The following PIGL variants were observed in gnomAD, a reference collection of about 807,000 sequenced individuals.
The protein encoded by PIGL is phosphatidylinositol glycan anchor biosynthesis class L.
Under a neutral mutation model 31.1 loss-of-function variants are expected in PIGL, and 22 were observed. The observed-to-expected ratio is 0.71, with a 90% confidence interval of 0.51 to 1.01. PIGL has a LOEUF of 1.01. Ranked by LOEUF, PIGL falls within the 50% of genes least tolerant of loss-of-function variation. The pLI, the probability that PIGL is intolerant of heterozygous loss-of-function variation, is 0.00. For missense variants in PIGL, 302 were observed against 315.9 expected (o/e 0.96, Z 0.33); for synonymous variants, 131 against 117.4 (o/e 1.12, Z -0.75).
chr17:16,322,508 A>G (rs1366162771), intron 6 of PIGL, among the ~76,000 whole-genome samples: 4 of 152,214 alleles, frequency 2.6e-5, no homozygotes, highest in Non-Finnish European at 4.4e-5. Flanking sequence ...CTTTAGCTAC[A>G]CATGATAAGT....
intron 5 of PIGL, chr17:16,317,107 A>G (rs1489087999): frequency 1.9e-6 from 2 of 1,046,640 alleles, no homozygotes; most frequent in Non-Finnish European, 2.3e-6. Context: ...ACCCACATAA[A>G]GTATTTGACC....
intron 2 of PIGL, among the ~76,000 whole-genome samples, chr17:16,277,008 C>T (rs1348856390): frequency 1.3e-5 from 2 of 152,320 alleles, no homozygotes; most frequent in Admixed American, 6.5e-5. Flanking sequence ...AGCCATGGGT[C>T]TGTACCCTCA....
rs371630004 is a variant in PIGL, at chr17:16,311,605, G to A, written c.427-1942G>A. The stretch of plus-strand genomic sequence containing the variant: ...GGTTTTCCTAGGCAGAGGACCCTGC[G>A]GCCTTCCGCAGTGTTTGTGTCCCTG... On this transcript the variant is annotated intron_variant, in intron 3 of 6. Transcript: ENST00000225609. Among the ~76,000 whole-genome samples, 105 of 148,356 alleles carry A rather than the reference G, an allele frequency of 7.1e-4. 4 individuals are homozygous for A. The East Asian group carries it at 0.02, about 28-fold the overall frequency.
At chr17:16,221,394 C>T (rs1051692780) in intron 1 of PIGL, among the ~76,000 whole-genome samples, 2 of 151,876 alleles carry the variant, frequency 1.3e-5, no homozygotes, top group Admixed American at 6.6e-5. Flanking sequence ...CTCAAGTGAT[C>T]CTCCCGCCTC....
intron 1 of PIGL, among the ~76,000 whole-genome samples, chr17:16,231,134 C>T (rs1346626169): frequency 7.7e-6 from 1 of 129,840 alleles, no homozygotes; most frequent in Non-Finnish European, 1.6e-5. Flanking sequence ...GTCTTGAATT[C>T]CTGGCCTTAA....
chr17:16,228,104 T>C (rs2092660818), intron 1 of PIGL, among the ~76,000 whole-genome samples: 1 of 148,402 alleles, frequency 6.7e-6, no homozygotes, highest in South Asian at 2.1e-4. Context: ...CACACTAGAG[T>C]GCAATGGCAT....
intron 2 of PIGL, among the ~76,000 whole-genome samples, chr17:16,276,185 AAAGCAAAAT>A (rs2092894480): frequency 6.6e-6 from 1 of 152,240 alleles, no homozygotes; most frequent in African/African-American, 2.4e-5. Flanking sequence ...CCACAATGGT[AAAGCAAAAT>A]AAGTAAAATT....
At chr17:16,247,006 G>A (rs1037448346) in intron 2 of PIGL, among the ~76,000 whole-genome samples, 1 of 152,060 alleles carries the variant, frequency 6.6e-6, no homozygotes, top group African/African-American at 2.4e-5. Context: ...AGGTCTTGCA[G>A]GGTCACTTTC....
intron 1 of PIGL, among the ~76,000 whole-genome samples, chr17:16,227,172 G>A (rs1053149353): frequency 3.3e-5 from 5 of 151,476 alleles, no homozygotes; most frequent in South Asian, 2.1e-4. Flanking sequence ...GCAGTGGCAC[G>A]ATCTCGGCTC....
intron 2 of PIGL, chr17:16,281,891 A>G (rs930800822): frequency 3.1e-6 from 1 of 324,464 alleles, no homozygotes; most frequent in African/African-American, 2.1e-5. Context: ...CCCATCTGAC[A>G]TGAAGCAGGC....
At chr17:16,288,074 A>C (rs2092945404) in intron 2 of PIGL, among the ~76,000 whole-genome samples, 1 of 152,248 alleles carries the variant, frequency 6.6e-6, no homozygotes, top group African/African-American at 2.4e-5. Flanking sequence ...GTCTTTCTCC[A>C]ACACAGACAT....
intron 2 of PIGL, among the ~76,000 whole-genome samples, chr17:16,259,641 G>A (rs2092811203): frequency 1.3e-5 from 2 of 152,242 alleles, no homozygotes; most frequent in South Asian, 4.1e-4. Flanking sequence ...GAAAATATAG[G>A]AATCTTCTTG....
chr17:16,225,031 C>CCTTT (rs1446112470), intron 1 of PIGL, among the ~76,000 whole-genome samples: 2 of 152,104 alleles, frequency 1.3e-5, no homozygotes, highest in African/African-American at 4.8e-5. Flanking sequence ...CAATATAAAG[C>CCTTT]CTTTCTGTCT....
rs184077858 is a variant in PIGL at position 16,313,613 on chromosome 17, A to C, written c.493A>C (p.Arg165=). ...SNHIALYAAV[R]ALHSEGKLPK... is the part of the protein sequence containing the mutation. ...TCACATTGCTCTGTATGCAGCTGTG[A>C]GGTATGATTCTCCGGGTGATGGATG... The change falls in exon 4 of 7, where the codon AGG becomes CGG. Residue 165 remains arginine, a splice_region_variant and synonymous_variant. Coordinates refer to ENST00000225609, the MANE Select transcript of PIGL (RefSeq NM_004278.4). The C allele has an allele frequency of 3.2e-5, 51 of 1,611,062 alleles. No homozygotes were observed. The African/African-American group carries it at 5.9e-4, about 19-fold the overall frequency.
At chr17:16,300,069 C>T in intron 3 of PIGL, 91 bp downstream of exon 3, 1 of 916,384 alleles carries the variant, frequency 1.1e-6, no homozygotes, top group Non-Finnish European at 1.8e-6. Context: ...GCCACCCTCC[C>T]ACTTCCAGTC....
chr17:16,265,972 C>T (rs1258659874), intron 2 of PIGL, among the ~76,000 whole-genome samples: 1 of 152,030 alleles, frequency 6.6e-6, no homozygotes, highest in African/African-American at 2.4e-5. Context: ...ACTGAGGGCC[C>T]TTTCACCCAG....
intron 6 of PIGL, among the ~76,000 whole-genome samples, chr17:16,324,772 C>G (rs893717901): frequency 6.6e-6 from 1 of 152,124 alleles, no homozygotes; most frequent in Non-Finnish European, 1.5e-5. Context: ...ACAGGCACAT[C>G]CTTTTATGTA....
chr17:16,230,576 A>G (rs1029763376), intron 1 of PIGL, among the ~76,000 whole-genome samples: 3 of 152,082 alleles, frequency 2.0e-5, no homozygotes, highest in East Asian at 1.9e-4. Flanking sequence ...ATTCCTTCCC[A>G]TAACATACTT....
In PIGL at chr17:16,325,955, A is replaced by G. The variant is rs1306089453; in HGVS notation, c.*57A>G. ...AAGGGGAAAATAGACAAAGGAGTGC[A>G]GAGGACCTGGCCTGGCACTGGCTTA... On this transcript the variant is annotated 3_prime_UTR_variant, in exon 7 of 7. Coordinates refer to ENST00000225609, the MANE Select transcript of PIGL (RefSeq NM_004278.4). 1 of 1,260,546 alleles carries G rather than the reference A, an allele frequency of 7.9e-7. No individual in the cohort carries two copies. The highest frequency in any genetic ancestry group is 1.2e-6 in the Non-Finnish European group (1 of 859,784). The allele number at this position is 1,260,546 out of a possible 1,614,324, so 78.1% of individuals were successfully genotyped here.
Sources: allele counts gnomAD v4.1 joint callset (sites outside exome capture counted in the v4.1 genomes callset), GRCh38; gene constraint gnomAD v4.1.1; transcripts MANE v1.5; gene names NCBI Gene and HGNC (gene_info 2026-07-23, HGNC 2026-07-21).